DOCK1: variants seen among roughly 807,000 people sequenced by gnomAD.
DOCK1 encodes the protein dedicator of cytokinesis protein 1.
In DOCK1, 138 loss-of-function variants were observed where a neutral mutation model predicts 262.7. That is an observed-to-expected ratio of 0.53 (90% CI 0.46 to 0.61). The LOEUF is 0.61. DOCK1 is among the 20% of genes least tolerant of loss of function. DOCK1 has a pLI of 0.00. For missense variants in DOCK1, 1,908 were observed against 2,370.7 expected (o/e 0.80, Z 4.05); for synonymous variants, 866 against 867.4 (o/e 1.00, Z 0.03).
chr10:127,357,522 G>A (rs2064204929), intron 32 of DOCK1, among the ~76,000 whole-genome samples: 1 of 152,176 alleles, frequency 6.6e-6, no homozygotes, highest in Admixed American at 6.5e-5. Context: ...TCAAGCGACA[G>A]GAGACTTTTG....
chr10:127,024,146 G>A (rs2042651064), intron 14 of DOCK1, among the ~76,000 whole-genome samples: 1 of 152,172 alleles, frequency 6.6e-6, no homozygotes, highest in Non-Finnish European at 1.5e-5. Context: ...GCTTTTCTGG[G>A]CCCATGGGGT....
At chr10:127,358,988 A>G (rs1201743731) in intron 32 of DOCK1, among the ~76,000 whole-genome samples, 2 of 152,160 alleles carry the variant, frequency 1.3e-5, no homozygotes, top group Non-Finnish European at 2.9e-5. Flanking sequence ...GAAGTAAAAT[A>G]TTCTCCTCGT....
intron 12 of DOCK1, among the ~76,000 whole-genome samples, chr10:127,016,837 T>TACACACACACAGATACCATAA (rs2041947001): frequency 1.5e-5 from 2 of 133,324 alleles, no homozygotes; most frequent in Non-Finnish European, 3.2e-5. Flanking sequence ...ACACTACACA[T>TACACACACACAGATACCATAA]ACACACACAC....
intron 27 of DOCK1, among the ~76,000 whole-genome samples, chr10:127,135,220 A>G (rs1463850835): frequency 8.5e-5 from 13 of 152,196 alleles, no homozygotes; most frequent in Admixed American, 4.6e-4. Flanking sequence ...GCCAGGGTGC[A>G]TAGGTGGGCA....
At chr10:127,342,291 A>C in intron 30 of DOCK1, among the ~76,000 whole-genome samples, 1 of 152,108 alleles carries the variant, frequency 6.6e-6, no homozygotes, top group East Asian at 1.9e-4. Context: ...TCCCAAAAAC[A>C]AAAGGAACGA....
chr10:127,370,001 G>A (rs1159445747), intron 33 of DOCK1, among the ~76,000 whole-genome samples: 4 of 152,096 alleles, frequency 2.6e-5, no homozygotes, highest in Non-Finnish European at 4.4e-5. Context: ...AACCTTGCCT[G>A]TTTCATCTTC....
chr10:126,937,944 T>C (rs1269657154), intron 1 of DOCK1, among the ~76,000 whole-genome samples: 1 of 152,204 alleles, frequency 6.6e-6, no homozygotes, highest in Non-Finnish European at 1.5e-5. Context: ...CTCGAAGTTT[T>C]TCCCCTGTTT....
intron 29 of DOCK1, among the ~76,000 whole-genome samples, chr10:127,284,405 A>G (rs2061074138): frequency 6.6e-6 from 1 of 152,250 alleles, no homozygotes; most frequent in South Asian, 2.1e-4. Flanking sequence ...TTATTATTTT[A>G]TATTAAACTT....
chr10:127,022,833 A>G (rs1285619198), intron 13 of DOCK1, among the ~76,000 whole-genome samples: 1 of 152,170 alleles, frequency 6.6e-6, no homozygotes, highest in Non-Finnish European at 1.5e-5. Flanking sequence ...GGACTCAGAC[A>G]GCCGTAGCCA....
chr10:126,968,567 A>C (rs1458181481), intron 1 of DOCK1, among the ~76,000 whole-genome samples: 1 of 152,198 alleles, frequency 6.6e-6, no homozygotes, highest in Admixed American at 6.5e-5. Flanking sequence ...GAAAGGAATT[A>C]TGTGTATGTG....
At chr10:127,242,306 G>A (rs2059291810) in intron 27 of DOCK1, among the ~76,000 whole-genome samples, 1 of 152,076 alleles carries the variant, frequency 6.6e-6, no homozygotes, top group Admixed American at 6.5e-5. Context: ...AGGAGTTTGG[G>A]GCTAATTTAT....
At position 127,401,244 on chromosome 10, in the gene DOCK1, C is replaced by T. The variant is rs1182215509; in HGVS notation, c.3928-1811C>T. Among the ~76,000 whole-genome samples, 20 of 152,210 alleles carry T rather than the reference C, an allele frequency of 1.3e-4. No individual in the cohort carries two copies. The East Asian group carries it at 3.1e-3, about 24-fold the overall frequency. ...GGGAGATTGATTTGAGTAATGACAC[C>T]GTCTCCCACGTGGCGGTGTTACTGG... On this transcript the variant is annotated intron_variant, in intron 38 of 51. Coordinates refer to ENST00000623213, the MANE Select transcript of DOCK1 (RefSeq NM_001290223.2).
At chr10:127,013,117 T>G (rs2041597283) in intron 12 of DOCK1, among the ~76,000 whole-genome samples, 2 of 152,230 alleles carry the variant, frequency 1.3e-5, no homozygotes, top group South Asian at 2.1e-4. Context: ...TCCACTGTTC[T>G]AAAGGAGAAT....
intron 1 of DOCK1, among the ~76,000 whole-genome samples, chr10:126,959,707 A>G (rs2037042452): frequency 1.3e-5 from 2 of 152,220 alleles, no homozygotes; most frequent in South Asian, 4.1e-4. Flanking sequence ...TTCAAGTGAA[A>G]TAGAGTGTGC....
At chr10:127,054,849 T>C (rs2045027555) in intron 22 of DOCK1, among the ~76,000 whole-genome samples, 2 of 152,246 alleles carry the variant, frequency 1.3e-5, no homozygotes, top group African/African-American at 4.8e-5. Context: ...GGACTTTCCC[T>C]TTCATTCAGA....
At chr10:127,260,822 TGTGTGCATGGGTGTGCGTGTGTGTA>T (rs2060016245) in intron 29 of DOCK1, among the ~76,000 whole-genome samples, 2 of 148,142 alleles carry the variant, frequency 1.4e-5, no homozygotes, top group East Asian at 2.1e-4. Context: ...TCCCTGCATG[TGTGTGCATGGGTGTGCGTGTGTGTA>T]CCCGTGCTCA....
intron 51 of DOCK1, among the ~76,000 whole-genome samples, 187 bp downstream of exon 51, chr10:127,447,732 C>G (rs902658210): frequency 1.3e-5 from 2 of 152,192 alleles, no homozygotes; most frequent in African/African-American, 4.8e-5. Flanking sequence ...TGGGTAAGAT[C>G]TGTGGCTCTG....
At chr10:126,907,603 ACCTTGTTAC>A (rs1307965865) in intron 1 of DOCK1, among the ~76,000 whole-genome samples, 3 of 151,982 alleles carry the variant, frequency 2.0e-5, no homozygotes, top group African/African-American at 7.3e-5. Flanking sequence ...ATTTTAAGAG[ACCTTGTTAC>A]CCTTCGTCTG....
intron 29 of DOCK1, among the ~76,000 whole-genome samples, chr10:127,322,109 AG>A: frequency 6.6e-6 from 1 of 152,140 alleles, no homozygotes; most frequent in Non-Finnish European, 1.5e-5. Flanking sequence ...TCTCAGAAAA[AG>A]AAAAAAAAAG....
Sources: allele counts gnomAD v4.1 joint callset (sites outside exome capture counted in the v4.1 genomes callset), GRCh38; gene constraint gnomAD v4.1.1; transcripts MANE v1.5; gene names NCBI Gene and HGNC (gene_info 2026-07-23, HGNC 2026-07-21).